Variants in CDH8 observed in about 807,000 individuals in gnomAD.
CDH8 encodes cadherin-8.
In CDH8, 17 loss-of-function variants were observed where a neutral mutation model predicts 68.1. That is an observed-to-expected ratio of 0.25 (90% confidence interval 0.17 to 0.37). The LOEUF (loss-of-function observed/expected upper bound fraction) is 0.37, where lower values mean the gene tolerates loss of function less well. Among genes scored for constraint, CDH8 ranks in the 10% least tolerant of loss-of-function variants. The pLI is 1.00. For synonymous variants in CDH8, 372 were observed against 365.1 expected, an observed-to-expected ratio of 1.02 and a Z score of -0.21; for missense variants, 763 against 999.3, an observed-to-expected ratio of 0.76 and a Z score of 3.19.
intron 3 of CDH8, among the ~76,000 whole-genome samples, chr16:61,895,501 A>G (rs1402887782): frequency 1.3e-5 from 2 of 152,162 alleles, no homozygotes; most frequent in Admixed American, 6.5e-5. Context: ...TAAATTCTCA[A>G]TACGTATTGG....
chr16:61,984,472 T>C (rs1965593677), intron 2 of CDH8, among the ~76,000 whole-genome samples: 1 of 151,272 alleles, frequency 6.6e-6, no homozygotes, highest in East Asian at 1.9e-4. Context: ...TTTTTTTTAA[T>C]AGAGACAAGG....
chr16:62,010,428 C>T (rs1901779018), intron 2 of CDH8, among the ~76,000 whole-genome samples: 1 of 152,140 alleles, frequency 6.6e-6, no homozygotes, highest in Non-Finnish European at 1.5e-5. Flanking sequence ...AGGTTTGACT[C>T]TGGGCTTCAT....
intron 2 of CDH8, among the ~76,000 whole-genome samples, chr16:61,962,720 T>C (rs527537347): frequency 6.6e-6 from 1 of 152,258 alleles, no homozygotes; most frequent in East Asian, 1.9e-4. Context: ...AAGTATAAAA[T>C]TGTGTAAAAT....
chr16:61,838,770 A>G (rs936454146), intron 4 of CDH8, among the ~76,000 whole-genome samples: 10 of 152,134 alleles, frequency 6.6e-5, no homozygotes, highest in Non-Finnish European at 1.5e-4. Context: ...TATGCAGAGA[A>G]AACATTGTGG....
intron 2 of CDH8, among the ~76,000 whole-genome samples, chr16:62,019,291 T>G (rs573644288): frequency 1.3e-5 from 2 of 152,344 alleles, no homozygotes; most frequent in South Asian, 4.1e-4. Context: ...GTTCCTAATA[T>G]GTAATAAGGT....
Position 61,978,392 on chromosome 16 carries a change from C to T in CDH8, c.252+42760G>A, listed in dbSNP as rs548850107. Among the ~76,000 whole-genome samples the T allele has an allele frequency of 2.6e-5, 4 of 152,240 alleles. No homozygotes were observed. In the East Asian group the frequency reaches 7.7e-4, roughly 29 times the overall value. On this transcript the variant is annotated intron_variant, in intron 2 of 11. Transcript: ENST00000577390. The stretch of plus-strand genomic sequence containing the variant: ...GTTGCTGTTGCCACCATTGCTGTTG[C>T]TGATATTGGTAATAGTAGTGGTAGG...
chr16:61,657,546 C>T, intron 10 of CDH8, among the ~76,000 whole-genome samples: 1 of 151,864 alleles, frequency 6.6e-6, no homozygotes, highest in Non-Finnish European at 1.5e-5. Flanking sequence ...ATGGAAATAC[C>T]AGTAAGCTAA....
intron 2 of CDH8, among the ~76,000 whole-genome samples, chr16:61,926,903 G>A (rs1964464795): frequency 6.6e-6 from 1 of 152,108 alleles, no homozygotes; most frequent in African/African-American, 2.4e-5. Context: ...ATTGAACTCT[G>A]CCATTCATAC....
intron 2 of CDH8, among the ~76,000 whole-genome samples, chr16:61,917,644 G>C (rs576711211): frequency 2.6e-5 from 4 of 152,294 alleles, no homozygotes; most frequent in African/African-American, 9.6e-5. Context: ...ACATGTTGTA[G>C]CTTGTTATGT....
intron 8 of CDH8, among the ~76,000 whole-genome samples, chr16:61,731,829 G>C (rs1959545953): frequency 6.6e-6 from 1 of 151,660 alleles, no homozygotes; most frequent in African/African-American, 2.4e-5. Flanking sequence ...GTTCAAAGTA[G>C]CCATTAACAT....
intron 7 of CDH8, among the ~76,000 whole-genome samples, chr16:61,799,071 G>A (rs921270640): frequency 6.6e-6 from 1 of 152,132 alleles, no homozygotes; most frequent in East Asian, 1.9e-4. Context: ...TGATGACCTT[G>A]ATCCTCACTG....
chr16:62,025,370 C>A (rs1420827643), intron 1 of CDH8, among the ~76,000 whole-genome samples: 1 of 112,988 alleles, frequency 8.9e-6, no homozygotes, highest in African/African-American at 4.3e-5. Context: ...TCTGCCAGTT[C>A]TTTGTGAAGA....
rs188127253 is a variant in CDH8, at chr16:61,880,724, T to G, written c.547+20455A>C. ...AACCATGTTTTGAAAATGCCATTCT[T>G]GCTACTGTGGAACCAGAGGTGAGTG... On this transcript the variant is annotated intron_variant, in intron 3 of 11. Coordinates refer to ENST00000577390, the MANE Select transcript of CDH8 (RefSeq NM_001796.5). Among the ~76,000 whole-genome samples, 109 of 152,298 alleles carry G rather than the reference T, an allele frequency of 7.2e-4. 1 individual carries two copies. Among genetic ancestry groups the G allele is most frequent in the African/African-American group, 2.4e-3 (100 of 41,574 alleles).
At chr16:61,955,200 T>G (rs1964966775) in intron 2 of CDH8, among the ~76,000 whole-genome samples, 1 of 152,224 alleles carries the variant, frequency 6.6e-6, no homozygotes, top group Admixed American at 6.5e-5. Flanking sequence ...AAGGTTAGCC[T>G]AAAGCTGCCT....
chr16:61,898,886 A>G (rs1963916727), intron 3 of CDH8, among the ~76,000 whole-genome samples: 1 of 143,882 alleles, frequency 7.0e-6, no homozygotes, highest in African/African-American at 2.7e-5. Context: ...GCAGGAAAAA[A>G]AAATTCATGA....
chr16:61,672,427 A>C (rs1963815861), intron 10 of CDH8, among the ~76,000 whole-genome samples: 1 of 152,044 alleles, frequency 6.6e-6, no homozygotes, highest in South Asian at 2.1e-4. Flanking sequence ...TTTTAAAATA[A>C]TTTTTCCAAG....
intron 9 of CDH8, among the ~76,000 whole-genome samples, chr16:61,720,615 G>C (rs1302082321): frequency 1.3e-5 from 2 of 150,866 alleles, no homozygotes; most frequent in African/African-American, 4.8e-5. Flanking sequence ...GGTTTAGGTA[G>C]AATGTGTTTC....
intron 2 of CDH8, among the ~76,000 whole-genome samples, chr16:61,909,978 C>G (rs967050926): frequency 4.6e-5 from 7 of 152,170 alleles, no homozygotes; most frequent in African/African-American, 1.7e-4. Flanking sequence ...TTGGAAACAA[C>G]ATGTGTCAGC....
At chr16:61,987,434 G>A (rs1019622905) in intron 2 of CDH8, among the ~76,000 whole-genome samples, 1 of 152,138 alleles carries the variant, frequency 6.6e-6, no homozygotes, top group Non-Finnish European at 1.5e-5. Flanking sequence ...TTGAACCTGC[G>A]AGGCAGAGGT....
Sources: gnomAD v4.1 joint callset for allele counts (sites outside exome capture counted in the v4.1 genomes callset) on GRCh38, gnomAD v4.1.1 for gene constraint, MANE v1.5 for transcripts, NCBI Gene and HGNC (gene_info 2026-07-23, HGNC 2026-07-21) for gene names.